SPECC1: variants seen among roughly 807,000 people sequenced by gnomAD.
SPECC1 encodes sperm antigen with calponin homology and coiled-coil domains 1.
SPECC1 carries 62 observed loss-of-function variants against 104.1 expected under a neutral mutation model. That is an observed-to-expected ratio of 0.60 (90% confidence interval 0.49 to 0.74). The LOEUF is 0.74. SPECC1 is among the 30% of genes least tolerant of loss of function. The pLI is 0.00. For synonymous variants in SPECC1, 513 were observed against 501.6 expected, an observed-to-expected ratio of 1.02 and a Z score of -0.30; for missense variants, 1,306 against 1,310.5, an observed-to-expected ratio of 1.00 and a Z score of 0.05.
chr17:20,215,213 G>T (rs550489032), intron 4 of SPECC1, among the ~76,000 whole-genome samples: 1 of 152,194 alleles, frequency 6.6e-6, no homozygotes, highest in African/African-American at 2.4e-5. Context: ...TTCCATGAAT[G>T]CATTTCACAT....
chr17:20,197,461 C>T (rs911707066), intron 3 of SPECC1, among the ~76,000 whole-genome samples: 1 of 151,942 alleles, frequency 6.6e-6, no homozygotes, highest in Non-Finnish European at 1.5e-5. Context: ...CGAACTGCTA[C>T]TGTGAAAGTG....
chr17:20,270,840 C>T (rs1010883351), intron 12 of SPECC1, among the ~76,000 whole-genome samples: 2 of 152,162 alleles, frequency 1.3e-5, no homozygotes, highest in African/African-American at 4.8e-5. Context: ...ATACAGTGTA[C>T]AAGATTATAC....
rs560772542 is a variant in SPECC1, at chr17:20,276,295, AT to A, written c.2940+16008del. On this transcript the variant is annotated intron_variant, in intron 12 of 14. Coordinates refer to ENST00000395527, the MANE Select transcript of SPECC1 (RefSeq NM_001243439.2). ...CCACACCTGGCTAATTCTTTAAAAA[AT>A]TTTTTTAGAGACAGGGTGTTGCTAT... Among the ~76,000 whole-genome samples, 251 of 152,018 alleles carry A rather than the reference AT, an allele frequency of 1.7e-3. 1 individual carries two copies. Among genetic ancestry groups the A allele is most frequent in the African/African-American group, 5.9e-3 (245 of 41,478 alleles).
chr17:20,194,483 C>G (rs1316996149), intron 3 of SPECC1, among the ~76,000 whole-genome samples: 1 of 124,458 alleles, frequency 8.0e-6, no homozygotes, highest in African/African-American at 3.1e-5. Context: ...CAATTGTGTT[C>G]TGTTAGAAAA....
Position 20,205,293 on chromosome 17 carries a change from T to C in SPECC1, c.1244T>C (p.Leu415Pro). ...GAATTGACAGCTGAAAATGAGAAGCTGGTGGATGAAAAGACGATTTTAGAG... is the reference window on the plus strand; with the variant it reads ...GAATTGACAGCTGAAAATGAGAAGCCGGTGGATGAAAAGACGATTTTAGAG... ...VQELTAENEK[L>P]VDEKTILETS... The change falls in exon 4 of 15, where the codon CTG becomes CCG. Residue 415 changes from leucine to proline, a missense_variant. Coordinates refer to ENST00000395527, the MANE Select transcript of SPECC1 (RefSeq NM_001243439.2). 2 of 1,614,156 alleles carry C rather than the reference T, an allele frequency of 1.2e-6. No individual in the cohort carries two copies. Among genetic ancestry groups the C allele is most frequent in the Non-Finnish European group, 1.7e-6 (2 of 1,180,040 alleles).
At chr17:20,237,290 G>T (rs1034177857) in intron 7 of SPECC1, 64 of 1,087,030 alleles carry the variant, frequency 5.9e-5, no homozygotes, top group Non-Finnish European at 6.9e-5. Context: ...GTTTTTTGTT[G>T]TTGTTGTTGT....
chr17:20,272,620 CG>C (rs1368204446), intron 12 of SPECC1, among the ~76,000 whole-genome samples: 1 of 152,206 alleles, frequency 6.6e-6, no homozygotes, highest in Non-Finnish European at 1.5e-5. Flanking sequence ...CCCATATAAA[CG>C]GAATCATACA....
chr17:20,094,983 G>A (rs2047576104), intron 1 of SPECC1, among the ~76,000 whole-genome samples: 1 of 152,212 alleles, frequency 6.6e-6, no homozygotes. Flanking sequence ...TCATCTCCAT[G>A]AGTCAGTCAG....
intron 12 of SPECC1, among the ~76,000 whole-genome samples, chr17:20,267,819 T>G (rs1161551956): frequency 6.6e-6 from 1 of 152,132 alleles, no homozygotes; most frequent in East Asian, 1.9e-4. Context: ...GTCCTTTGTC[T>G]CCTCCTCTGT....
intron 3 of SPECC1, among the ~76,000 whole-genome samples, chr17:20,189,486 C>T (rs1010477011): frequency 6.6e-6 from 1 of 152,184 alleles, no homozygotes; most frequent in African/African-American, 2.4e-5. Context: ...TCTGGCTTCT[C>T]CTGGAGATGA....
chr17:20,244,208 G>A (rs930867139), intron 7 of SPECC1, among the ~76,000 whole-genome samples: 6 of 152,108 alleles, frequency 3.9e-5, no homozygotes, highest in East Asian at 1.9e-4. Context: ...CAGCCTGGGC[G>A]ACAGAGCGAG....
chr17:20,257,077 G>A (rs2151583231), intron 10 of SPECC1, among the ~76,000 whole-genome samples: 1 of 152,258 alleles, frequency 6.6e-6, no homozygotes, highest in South Asian at 2.1e-4. Context: ...ATCACTTGAG[G>A]CATTTTCCTG....
chr17:20,246,139 A>C, intron 8 of SPECC1, 68 bp downstream of exon 8: 1 of 1,567,140 alleles, frequency 6.4e-7, no homozygotes, highest in Non-Finnish European at 8.7e-7. Context: ...TGATATGTCT[A>C]CTATCTCTAC....
chr17:20,134,212 T>C (rs1597789851), intron 3 of SPECC1, among the ~76,000 whole-genome samples: 1 of 151,916 alleles, frequency 6.6e-6, no homozygotes, highest in Non-Finnish European at 1.5e-5. Flanking sequence ...TCAGGGTTCT[T>C]TCTAGCCTTG....
At chr17:20,294,843 C>T (rs1241214168) in intron 12 of SPECC1, among the ~76,000 whole-genome samples, 1 of 152,038 alleles carries the variant, frequency 6.6e-6, no homozygotes, top group African/African-American at 2.4e-5. Flanking sequence ...GAGGGATGGA[C>T]AGAAATCCTC....
intron 1 of SPECC1, among the ~76,000 whole-genome samples, chr17:20,014,165 C>T (rs369903826): frequency 1.3e-5 from 2 of 152,158 alleles, no homozygotes; most frequent in African/African-American, 4.8e-5. Flanking sequence ...CTGGTGGATA[C>T]TGTGGTTTTA....
At chr17:20,057,891 T>TTTCA (rs2046028984) in intron 1 of SPECC1, 1 of 152,324 alleles carries the variant, frequency 6.6e-6, no homozygotes, top group African/African-American at 2.4e-5. Context: ...TTTTGCAGCA[T>TTTCA]TTCAGTGTAG....
intron 1 of SPECC1, among the ~76,000 whole-genome samples, chr17:20,046,542 A>G (rs2045545924): frequency 6.6e-6 from 1 of 152,166 alleles, no homozygotes; most frequent in Non-Finnish European, 1.5e-5. Flanking sequence ...GTGGCAAACA[A>G]TGTAATAAAT....
chr17:20,307,028 T>G (rs1343717768), intron 14 of SPECC1, among the ~76,000 whole-genome samples: 1 of 152,104 alleles, frequency 6.6e-6, no homozygotes, highest in Non-Finnish European at 1.5e-5. Context: ...AAAAAGAATC[T>G]AACACTTCTA....
Sources: gnomAD v4.1 joint callset for allele counts (sites outside exome capture counted in the v4.1 genomes callset) on GRCh38, gnomAD v4.1.1 for gene constraint, MANE v1.5 for transcripts, NCBI Gene and HGNC (gene_info 2026-07-23, HGNC 2026-07-21) for gene names.